BLOC1S2: variants seen among roughly 807,000 people sequenced by gnomAD.
The protein encoded by BLOC1S2 is biogenesis of lysosomal organelles complex 1 subunit 2.
Under a neutral mutation model 19.6 loss-of-function variants are expected in BLOC1S2, and 12 were observed. The ratio of observed to expected loss-of-function variants is 0.61; its 90% CI spans 0.39 to 0.99. The LOEUF (loss-of-function observed/expected upper bound fraction) is 0.99, where lower values mean the gene tolerates loss of function less well. Ranked by LOEUF, BLOC1S2 falls within the 50% of genes least tolerant of loss-of-function variation. BLOC1S2 has a pLI of 0.00. For synonymous variants in BLOC1S2, 66 were observed against 64.1 expected, an observed-to-expected ratio of 1.03 and a Z score of -0.14; for missense variants, 142 against 171.0, an observed-to-expected ratio of 0.83 and a Z score of 0.95.
intron 2 of BLOC1S2, among the ~76,000 whole-genome samples, chr10:100,281,705 T>TATATACACAC (rs1370530311): frequency 4.3e-5 from 3 of 69,824 alleles, no homozygotes; most frequent in Admixed American, 4.0e-4. Flanking sequence ...TATATATATA[T>TATATACACAC]ACACATACAC....
intron 4 of BLOC1S2, among the ~76,000 whole-genome samples, chr10:100,279,563 T>A (rs1848046366): frequency 6.6e-6 from 1 of 151,880 alleles, no homozygotes; most frequent in South Asian, 2.1e-4. Context: ...TGAAACCTCG[T>A]CTCTACTAAA....
Position 100,275,004 on chromosome 10 carries a change from GTTTGT to G in BLOC1S2, c.*453_*457del. The stretch of plus-strand genomic sequence containing the variant: ...CAAGGTGATAAGCTGCAAAGAACAA[GTTTGT>G]TTTGTTTTCCTTTTTAAATTTAGAA... On this transcript the variant is annotated 3_prime_UTR_variant, in exon 5 of 5. Coordinates refer to ENST00000370372, the MANE Select transcript of BLOC1S2 (RefSeq NM_173809.5). The G allele has an allele frequency of 2.5e-6, 1 of 397,766 alleles. No individual in the cohort carries two copies. Among genetic ancestry groups the G allele is most frequent in the East Asian group, 3.6e-5 (1 of 27,914 alleles). The allele number at this position is 397,766 out of a possible 1,614,324, so 24.6% of individuals were successfully genotyped here.
chr10:100,280,160 C>T lies in BLOC1S2; in HGVS notation c.361G>A (p.Ala121Thr). The change falls in exon 4 of 5, where the codon GCA (alanine) becomes ACA (threonine). Residue 121 changes from alanine to threonine, a missense_variant. Physicochemically the swap from Ala to Thr is moderately conservative, Grantham distance 58. Around this residue, in one of 2 missense-constraint regions of BLOC1S2, gnomAD observed 94 missense variants for 141.3 expected, o/e 0.67. Coordinates refer to ENST00000370372, the MANE Select transcript of BLOC1S2 (RefSeq NM_173809.5). ...GAATATGCATCCAACTTGTAAGCTG[C>T]CTGCTCAAGAGCTGCTACCTGCTCT... Reference protein sequence around the residue: ...IEEQVAALEQAAYKLDAYSKK... With the variant: ...IEEQVAALEQTAYKLDAYSKK... 1 of 1,613,540 alleles carries T rather than the reference C, an allele frequency of 6.2e-7. No individual in the cohort carries two copies. Among genetic ancestry groups the T allele is most frequent in the Non-Finnish European group, 8.5e-7 (1 of 1,179,716 alleles).
At position 100,276,348 on chromosome 10, in the gene BLOC1S2, CG is replaced by C. The variant is rs375261489; in HGVS notation, c.398-856del. Reference sequence around the variant, plus strand: ...CTCTCTCTCTCCCGTCTCCCTCTCCCGTCTCCCTCTCCCGTCTCCCTCTCCC... The same window carrying C: ...CTCTCTCTCTCCCGTCTCCCTCTCCCTCTCCCTCTCCCGTCTCCCTCTCCC... On this transcript the variant is annotated intron_variant, in intron 4 of 4. Transcript: ENST00000370372. Among the ~76,000 whole-genome samples, 68 of 107,990 alleles carry C rather than the reference CG, an allele frequency of 6.3e-4. 5 individuals are homozygous for C. Among genetic ancestry groups the C allele is most frequent in the African/African-American group, 1.3e-3 (27 of 20,766 alleles). 70.8% of individuals were successfully genotyped at this position (107,990 alleles called of 152,430 possible). A position where few individuals can be genotyped will look rare whatever the true frequency, so the allele number is the denominator to read the frequency against.
intron 2 of BLOC1S2, 104 bp from the exon 3 acceptor site, chr10:100,281,157 G>T: frequency 7.3e-7 from 1 of 1,373,424 alleles, no homozygotes; most frequent in East Asian, 2.3e-5. Context: ...CCAAGGAAGT[G>T]TCAAAGGAGT....
At chr10:100,277,331 TG>T (rs1307735255) in intron 4 of BLOC1S2, among the ~76,000 whole-genome samples, 1 of 141,956 alleles carries the variant, frequency 7.0e-6, no homozygotes, top group Non-Finnish European at 1.5e-5. Context: ...GGGAGGGAGG[TG>T]GGGGTCAGCC....
At chr10:100,286,402 C>T in intron 1 of BLOC1S2, 189 bp from the exon 2 acceptor site, 5 of 1,461,604 alleles carry the variant, frequency 3.4e-6, no homozygotes, top group Non-Finnish European at 4.5e-6. Context: ...CCTCGCACCG[C>T]CCCTCGCCCA....
chr10:100,285,112 T>C (rs1445302490), intron 2 of BLOC1S2, among the ~76,000 whole-genome samples: 1 of 152,080 alleles, frequency 6.6e-6, no homozygotes, highest in African/African-American at 2.4e-5. Context: ...TCACAACCCC[T>C]ACTATTCTGT....
Position 100,274,964 on chromosome 10 carries a change from AGT to A in BLOC1S2, c.*496_*497del. ...TTATTTGCAATATTATGGAAAAGTA[AGT>A]TACCGACATTCACAAGGTGATAAGC... On this transcript the variant is annotated 3_prime_UTR_variant, in exon 5 of 5. Transcript: ENST00000370372. The A allele has an allele frequency of 2.5e-6, 1 of 398,766 alleles. No individual in the cohort carries two copies. The highest frequency in any genetic ancestry group is 4.4e-6 in the Non-Finnish European group (1 of 226,088). 24.7% of individuals were successfully genotyped at this position (398,766 alleles called of 1,614,324 possible).
chr10:100,281,022 A>G lies in BLOC1S2; in HGVS notation c.204T>C (p.Asn68=), dbSNP rs772173629. The G allele has an allele frequency of 3.1e-6, 5 of 1,613,730 alleles. No homozygotes were observed. The highest frequency in any genetic ancestry group is 4.2e-6 in the Non-Finnish European group (5 of 1,179,872). Residue 68 remains asparagine, a synonymous_variant, in exon 3 of 5, where the codon AAT becomes AAC. Transcript: ENST00000370372. The stretch of plus-strand genomic sequence containing the variant: ...ACTTCAAGCTGGTGAGTTTATTCAT[A>G]TTTTCCAGGAGCTTATAGTCTTCAC... The part of the protein sequence containing the change: ...ATSEDYKLLE[N]MNKLTSLKYL...
In BLOC1S2 at chr10:100,273,333, T is replaced by C. The variant is rs566521459; in HGVS notation, c.*2129A>G. 10 of 152,346 alleles carry C rather than the reference T, an allele frequency of 6.6e-5. No individual in the cohort carries two copies. Among genetic ancestry groups the C allele is most frequent in the African/African-American group, 2.4e-4 (10 of 41,588 alleles). 9.4% of individuals were successfully genotyped at this position (152,346 alleles called of 1,614,324 possible). A position where few individuals can be genotyped will look rare whatever the true frequency, so the allele number is the denominator to read the frequency against. Reference sequence around the variant, plus strand: ...ATTTAATATTTACACATTATATACATGTATTAAATTATCACTTGTACTCTG... The same window carrying C: ...ATTTAATATTTACACATTATATACACGTATTAAATTATCACTTGTACTCTG... On this transcript the variant is annotated 3_prime_UTR_variant, in exon 5 of 5. Transcript: ENST00000370372.
At chr10:100,286,578 C>T in intron 1 of BLOC1S2, 27 bp downstream of exon 1, 1 of 1,612,498 alleles carries the variant, frequency 6.2e-7, no homozygotes, top group Non-Finnish European at 8.5e-7. Flanking sequence ...CCCCACCGGA[C>T]GCTTCCTCCC....
intron 2 of BLOC1S2, among the ~76,000 whole-genome samples, chr10:100,281,596 T>C (rs914323978): frequency 2.6e-5 from 4 of 151,522 alleles, no homozygotes; most frequent in African/African-American, 7.3e-5. Context: ...AGGCAGAGAA[T>C]TGCTTGAATC....
At chr10:100,281,281 C>G (rs1243530991) in intron 2 of BLOC1S2, among the ~76,000 whole-genome samples, 3 of 152,134 alleles carry the variant, frequency 2.0e-5, no homozygotes, top group African/African-American at 7.2e-5. Flanking sequence ...CCAGAAGGTT[C>G]AGGATCATGG....
intron 4 of BLOC1S2, among the ~76,000 whole-genome samples, chr10:100,277,640 C>G (rs528419057): frequency 2.2e-5 from 3 of 138,014 alleles, no homozygotes; most frequent in African/African-American, 8.2e-5. Context: ...CCAGCCACCC[C>G]GTCCAGGAGG....
intron 2 of BLOC1S2, among the ~76,000 whole-genome samples, chr10:100,285,344 C>T (rs144539963): frequency 7.4e-4 from 113 of 152,236 alleles, no homozygotes; most frequent in African/African-American, 2.4e-3. Context: ...AACCTGCAAC[C>T]TCCACCTCCT....
At chr10:100,278,175 CT>C (rs1847989221) in intron 4 of BLOC1S2, among the ~76,000 whole-genome samples, 10 of 146,102 alleles carry the variant, frequency 6.8e-5, no homozygotes, top group Non-Finnish European at 1.5e-4. Flanking sequence ...GGTCAGCCCC[CT>C]ACCCGGCCAG....
At chr10:100,277,776 C>T (rs1356016615) in intron 4 of BLOC1S2, among the ~76,000 whole-genome samples, 1 of 129,374 alleles carries the variant, frequency 7.7e-6, no homozygotes, top group South Asian at 2.4e-4. Context: ...CTGGCCGCCC[C>T]TACTGGGAAG....
At chr10:100,276,843 G>C (rs994855402) in intron 4 of BLOC1S2, among the ~76,000 whole-genome samples, 6 of 152,084 alleles carry the variant, frequency 3.9e-5, no homozygotes, top group South Asian at 2.1e-4. Context: ...GCGTGATCTC[G>C]GCTCGCTATG....
Sources: allele counts gnomAD v4.1 joint callset (sites outside exome capture counted in the v4.1 genomes callset), GRCh38; gene constraint gnomAD v4.1.1; regional missense constraint gnomAD v4.1.1; transcripts MANE v1.5; gene names NCBI Gene and HGNC (gene_info 2026-07-23, HGNC 2026-07-21).